Variants in USP43 observed in about 807,000 individuals in gnomAD.
USP43 encodes ubiquitin carboxyl-terminal hydrolase 43.
Under a neutral mutation model 90.7 loss-of-function variants are expected in USP43, and 33 were observed. The ratio of observed to expected loss-of-function variants is 0.36; its 90% CI spans 0.28 to 0.49. The LOEUF (loss-of-function observed/expected upper bound fraction) is 0.49, where lower values mean the gene tolerates loss of function less well. USP43 is among the 20% of genes least tolerant of loss of function. The pLI is 0.98. For missense variants in USP43, 1,274 were observed against 1,476.4 expected (o/e 0.86, Z 2.25); for synonymous variants, 598 against 615.8 (o/e 0.97, Z 0.43).
In USP43 at chr17:9,657,499, CA is replaced by C. The variant is rs113467408; in HGVS notation, c.636+975del. On this transcript the variant is annotated intron_variant, in intron 2 of 14. Transcript: ENST00000285199. Reference sequence around the variant, plus strand: ...TGGGTGACATAGTGAAACTCCGTCTCAAAAAAAAAAGAAAAGAAAAAAAAGG... The same window carrying C: ...TGGGTGACATAGTGAAACTCCGTCTCAAAAAAAAAGAAAAGAAAAAAAAGG... 1.7e-4 allele frequency among the ~76,000 whole-genome samples: 24 copies of C among 137,996 alleles called. 1 individual carries two copies. In the South Asian group the frequency reaches 2.8e-3, roughly 16 times the overall value. 90.5% of individuals were successfully genotyped at this position (137,996 alleles called of 152,430 possible). A position where few individuals can be genotyped will look rare whatever the true frequency, so the allele number is the denominator to read the frequency against.
At chr17:9,702,085 A>G (rs1043991717) in intron 12 of USP43, among the ~76,000 whole-genome samples, 2 of 152,060 alleles carry the variant, frequency 1.3e-5, no homozygotes, top group Admixed American at 6.6e-5. Context: ...GTTAGGCCTG[A>G]TGCAGTAGCT....
chr17:9,668,501 T>A (rs1164680461), intron 3 of USP43, among the ~76,000 whole-genome samples: 1 of 152,224 alleles, frequency 6.6e-6, no homozygotes, highest in Non-Finnish European at 1.5e-5. Context: ...GACCAAATAG[T>A]CTTTGAAACT....
intron 14 of USP43, among the ~76,000 whole-genome samples, chr17:9,725,174 T>C (rs961959141): frequency 6.6e-6 from 1 of 152,104 alleles, no homozygotes; most frequent in African/African-American, 2.4e-5. Flanking sequence ...GCCATCTGCA[T>C]GGAGGGGGCT....
In USP43 at chr17:9,709,635, G is replaced by A. The variant is rs899657129; in HGVS notation, c.2012-321G>A. Among the ~76,000 whole-genome samples, 1 of 152,062 alleles carries A rather than the reference G, an allele frequency of 6.6e-6. No individual in the cohort carries two copies. Among genetic ancestry groups the A allele is most frequent in the Non-Finnish European group, 1.5e-5 (1 of 68,022 alleles). The stretch of plus-strand genomic sequence containing the variant: ...GGAGGCTGAGGCAGGAGAATCACTG[G>A]AACCCGGGGGGTGGAGGTTGCCGTG... On this transcript the variant is annotated intron_variant, in intron 12 of 14. Transcript: ENST00000285199. This position sits in a 1 kb window ranked among gnomAD's most constrained non-coding sequence, Gnocchi z 5.0.
intron 6 of USP43, among the ~76,000 whole-genome samples, chr17:9,682,380 C>A (rs1007943101): frequency 1.3e-5 from 2 of 152,098 alleles, no homozygotes; most frequent in African/African-American, 4.8e-5. Context: ...CCAGCTTGGC[C>A]AACATGGTGA....
intron 5 of USP43, among the ~76,000 whole-genome samples, chr17:9,679,649 C>T (rs887300322): frequency 4.0e-5 from 6 of 151,660 alleles, no homozygotes; most frequent in Admixed American, 6.6e-5. Flanking sequence ...CCTCAGCCTC[C>T]GTAGTAGCTG....
chr17:9,691,034 A>G (rs544240101), intron 8 of USP43, among the ~76,000 whole-genome samples: 2 of 152,138 alleles, frequency 1.3e-5, no homozygotes, highest in African/African-American at 4.8e-5. Flanking sequence ...TTATCTTTTT[A>G]CATCTGGCTT....
At chr17:9,697,036 G>A (rs113398901) in intron 9 of USP43, among the ~76,000 whole-genome samples, 31 of 152,320 alleles carry the variant, frequency 2.0e-4, no homozygotes, top group African/African-American at 7.0e-4. Context: ...GGCCAACATG[G>A]TGAAACCGCA....
chr17:9,656,465 C>T lies in USP43; in HGVS notation c.567C>T (p.Phe189=), dbSNP rs1912256146. The part of the protein sequence containing the change: ...QGNSQHDALE[F]LLWLLDRVHE... Reference sequence around the variant, plus strand: ...ATTCCCAGCACGACGCCCTGGAATTCCTGCTCTGGTTGCTGGATCGTGTAC... The same window carrying T: ...ATTCCCAGCACGACGCCCTGGAATTTCTGCTCTGGTTGCTGGATCGTGTAC... Residue 189 remains phenylalanine (F), a synonymous_variant, in exon 2 of 15, where the codon TTC becomes TTT. Transcript: ENST00000285199. The T allele has an allele frequency of 1.9e-6, 3 of 1,610,558 alleles. No individual in the cohort carries two copies. The highest frequency in any genetic ancestry group is 2.5e-6 in the Non-Finnish European group (3 of 1,178,536).
intron 2 of USP43, among the ~76,000 whole-genome samples, chr17:9,664,636 A>ATT (rs371778793): frequency 6.9e-4 from 93 of 134,198 alleles, no homozygotes; most frequent in East Asian, 3.8e-3. Context: ...CCTTGCATAG[A>ATT]TTTTTTTTTT....
At chr17:9,714,659 G>A (rs1916392687) in intron 14 of USP43, among the ~76,000 whole-genome samples, 1 of 146,698 alleles carries the variant, frequency 6.8e-6, no homozygotes, top group Admixed American at 6.9e-5. Context: ...CTCCAGCCTG[G>A]GCAACAGAGC....
Position 9,680,299 on chromosome 17 carries a change from C to T in USP43, c.1038C>T (p.Thr346=), listed in dbSNP as rs1914080767. The change falls in exon 6 of 15, where the codon ACC becomes ACT. Residue 346 remains threonine (T), a synonymous_variant. Coordinates refer to ENST00000285199, the MANE Select transcript of USP43 (RefSeq NM_153210.5). ...RSFFDEEDLN[T]IAEGDNVYAF... ...TCTTTGATGAAGAGGACCTGAATAC[C>T]ATCGCAGAGGGAGATAATGTGTATG... 6.2e-7 allele frequency: 1 copy of T among 1,613,822 alleles called. No individual in the cohort carries two copies. The highest frequency in any genetic ancestry group is 8.5e-7 in the Non-Finnish European group (1 of 1,179,850).
intron 8 of USP43, 57 bp from the exon 9 acceptor site, chr17:9,693,070 T>A (rs1915052964): frequency 7.4e-7 from 1 of 1,345,172 alleles, no homozygotes; most frequent in Non-Finnish European, 1.1e-6. Context: ...CTTTAGAGTC[T>A]AATTTAAATC....
intron 12 of USP43, among the ~76,000 whole-genome samples, chr17:9,704,383 A>G (rs1181344242): frequency 1.3e-5 from 2 of 151,958 alleles, no homozygotes; most frequent in Non-Finnish European, 2.9e-5. Flanking sequence ...GCTCACTGCA[A>G]TCTCTGCCTC....
intron 5 of USP43, 60 bp downstream of exon 5, chr17:9,676,941 T>G: frequency 6.4e-7 from 1 of 1,573,800 alleles, no homozygotes; most frequent in Non-Finnish European, 8.6e-7. Flanking sequence ...CTGAGCCAGC[T>G]GTCTAGGCTG....
intron 1 of USP43, among the ~76,000 whole-genome samples, chr17:9,655,537 A>G (rs181209739): frequency 6.6e-6 from 1 of 152,240 alleles, no homozygotes; most frequent in South Asian, 2.1e-4. Context: ...TGGAATGTAC[A>G]TTTATGCAGA....
At chr17:9,687,902 G>GGTCA (rs1384269577) in intron 8 of USP43, among the ~76,000 whole-genome samples, 1 of 152,206 alleles carries the variant, frequency 6.6e-6, no homozygotes, top group Admixed American at 6.5e-5. Flanking sequence ...TCTGCAAGTA[G>GGTCA]GTCAGTCTAT....
chr17:9,660,440 C>T (rs994727428), intron 2 of USP43, among the ~76,000 whole-genome samples: 2 of 152,178 alleles, frequency 1.3e-5, no homozygotes, highest in African/African-American at 4.8e-5. Context: ...TGAGCCACCA[C>T]GCCCGACCAA....
At chr17:9,702,618 A>G (rs1369049389) in intron 12 of USP43, among the ~76,000 whole-genome samples, 2 of 152,056 alleles carry the variant, frequency 1.3e-5, no homozygotes, top group Non-Finnish European at 2.9e-5. Flanking sequence ...CATCCCTTTG[A>G]GTGTTTTCAG....
Sources: allele counts gnomAD v4.1 joint callset (sites outside exome capture counted in the v4.1 genomes callset), GRCh38; gene constraint gnomAD v4.1.1; non-coding constraint Gnocchi (gnomAD v3.1); transcripts MANE v1.5; gene names NCBI Gene and HGNC (gene_info 2026-07-23, HGNC 2026-07-21).